Variants in NEDD9 observed in about 807,000 individuals in gnomAD.
NEDD9 encodes the protein neural precursor cell expressed, developmentally down-regulated 9.
NEDD9 carries 26 observed loss-of-function variants against 76.6 expected under a neutral mutation model. The observed-to-expected ratio is 0.34, with a 90% CI of 0.25 to 0.47. The LOEUF (loss-of-function observed/expected upper bound fraction) is 0.47, where lower values mean the gene tolerates loss of function less well. Among genes scored for constraint, NEDD9 ranks in the 20% least tolerant of loss-of-function variants. NEDD9 has a pLI of 1.00. For synonymous variants in NEDD9, 392 were observed against 414.2 expected, an observed-to-expected ratio of 0.95 and a Z score of 0.65; for missense variants, 937 against 1,058.5, an observed-to-expected ratio of 0.89 and a Z score of 1.59.
chr6:11,240,164 C>G (rs559863128), intron 3 of NEDD9, among the ~76,000 whole-genome samples: 34 of 152,088 alleles, frequency 2.2e-4, no homozygotes, highest in African/African-American at 8.0e-4. Context: ...CCTCCTAACT[C>G]ATTTCGCTCT....
chr6:11,276,222 CTTGA>C (rs753031845), intron 3 of NEDD9, among the ~76,000 whole-genome samples: 1 of 152,170 alleles, frequency 6.6e-6, no homozygotes, highest in African/African-American at 2.4e-5. Flanking sequence ...GAAAATGAGT[CTTGA>C]TTAAGAGAAA....
intron 3 of NEDD9, among the ~76,000 whole-genome samples, chr6:11,242,415 C>T (rs1472625271): frequency 1.3e-5 from 2 of 152,132 alleles, no homozygotes; most frequent in African/African-American, 4.8e-5. Flanking sequence ...CATGCTCTAA[C>T]CTGCTTTTGG....
chr6:11,341,437 C>T (rs1017345099), intron 1 of NEDD9, among the ~76,000 whole-genome samples: 2 of 152,106 alleles, frequency 1.3e-5, no homozygotes, highest in African/African-American at 2.4e-5. Flanking sequence ...TATGGGAAGC[C>T]CCTCCCTCAG....
chr6:11,243,388 T>C (rs540488736), intron 3 of NEDD9, among the ~76,000 whole-genome samples: 3 of 152,244 alleles, frequency 2.0e-5, no homozygotes, highest in African/African-American at 7.2e-5. Context: ...AAAATCACTC[T>C]TGTCTAATGG....
At chr6:11,351,185 G>A (rs190204469) in intron 1 of NEDD9, among the ~76,000 whole-genome samples, 78 of 152,232 alleles carry the variant, frequency 5.1e-4, no homozygotes, top group Admixed American at 3.5e-3. Flanking sequence ...AAGAGAGATG[G>A]GAAGAAGGAA....
At chr6:11,376,226 C>G (rs1002223639) in intron 1 of NEDD9, among the ~76,000 whole-genome samples, 16 of 152,134 alleles carry the variant, frequency 1.1e-4, no homozygotes, top group African/African-American at 3.9e-4. Context: ...AGAAGTGGAG[C>G]ATTGCTATAA....
intron 3 of NEDD9, among the ~76,000 whole-genome samples, chr6:11,258,145 A>G (rs1167217048): frequency 6.6e-6 from 1 of 152,132 alleles, no homozygotes; most frequent in Non-Finnish European, 1.5e-5. Context: ...AGAAACTCAA[A>G]TTTTATCACA....
Position 11,296,617 on chromosome 6 carries a change from CCTTT to C in NEDD9, c.12+9371_12+9374del, listed in dbSNP as rs201618605. On this transcript the variant is annotated intron_variant, in intron 3 of 3. Coordinates refer to the NEDD9 transcript ENST00000397378. ...AAAGAATGGCAAAATTTCCTTCCTT[CCTTT>C]CTTTCTTCCTTCCTTCCTTCCTTTC... Among the ~76,000 whole-genome samples the C allele has an allele frequency of 7.0e-3, 1,035 of 148,682 alleles. 12 individuals are homozygous for C. Among genetic ancestry groups the C allele is most frequent in the African/African-American group, 0.023 (940 of 40,650 alleles).
chr6:11,232,348 C>T (rs886177608), intron 1 of NEDD9, among the ~76,000 whole-genome samples, 156 bp downstream of exon 1: 4 of 146,104 alleles, frequency 2.7e-5, no homozygotes, highest in East Asian at 2.1e-4. Flanking sequence ...TCTCTGCTTG[C>T]TTGTCTGCTT....
At chr6:11,349,608 A>C (rs74839191) in intron 1 of NEDD9, among the ~76,000 whole-genome samples, 6,221 of 152,332 alleles carry the variant, frequency 0.041, 239 homozygotes, top group African/African-American at 0.11. Flanking sequence ...GAATGAGAGC[A>C]TGTTCTTTGC....
intron 3 of NEDD9, among the ~76,000 whole-genome samples, chr6:11,281,823 G>A (rs757452570): frequency 2.6e-5 from 4 of 151,914 alleles, no homozygotes; most frequent in Non-Finnish European, 4.4e-5. Flanking sequence ...ATGTGATCTC[G>A]GCTGACTGCA....
chr6:11,373,088 A>T (rs552946542), intron 1 of NEDD9, among the ~76,000 whole-genome samples: 1 of 152,278 alleles, frequency 6.6e-6, no homozygotes, highest in East Asian at 1.9e-4. Flanking sequence ...TGTCTTCCCA[A>T]ATCAATTCTT....
chr6:11,229,315 C>T (rs1759397632), intron 1 of NEDD9, among the ~76,000 whole-genome samples: 1 of 152,232 alleles, frequency 6.6e-6, no homozygotes, highest in South Asian at 2.1e-4. Flanking sequence ...TTTGGCAAAG[C>T]CACAAAAGCG....
upstream of NEDD9, chr6:11,233,311 A>C: frequency 1.9e-6 from 1 of 519,056 alleles, no homozygotes; most frequent in Non-Finnish European, 3.8e-6. Context: ...CCTCTAGCAC[A>C]CGCACCAGCG....
intron 1 of NEDD9, among the ~76,000 whole-genome samples, chr6:11,340,680 G>A (rs975981925): frequency 6.6e-6 from 1 of 152,172 alleles, no homozygotes; most frequent in Admixed American, 6.5e-5. Context: ...CTCAGCCATC[G>A]ACCTTGAATA....
At chr6:11,355,026 T>C (rs904578124) in intron 1 of NEDD9, among the ~76,000 whole-genome samples, 1 of 152,238 alleles carries the variant, frequency 6.6e-6, no homozygotes, top group African/African-American at 2.4e-5. Context: ...TCCATCCTTT[T>C]GTTTTCTTTT....
rs545116889 is a variant in NEDD9 at position 11,219,280 on chromosome 6, A to T, written c.13-5553T>A. ...TCAGAGAAACGATCTGCTTTTCCAA[A>T]TACGGAGAGGTGTGACTTGTAGTTT... On this transcript the variant is annotated intron_variant, in intron 1 of 6. Transcript: ENST00000379446. 2.4e-3 allele frequency among the ~76,000 whole-genome samples: 371 copies of T among 152,322 alleles called. 1 individual carries two copies. Among genetic ancestry groups the T allele is most frequent in the Admixed American group, 4.5e-3 (69 of 15,290 alleles).
chr6:11,248,269 G>A (rs971507595), intron 3 of NEDD9, among the ~76,000 whole-genome samples: 1 of 152,060 alleles, frequency 6.6e-6, no homozygotes, highest in African/African-American at 2.4e-5. Context: ...CCATGTAGAA[G>A]TCATGTGCCA....
chr6:11,231,392 G>A (rs915419269), intron 1 of NEDD9, among the ~76,000 whole-genome samples: 2 of 152,182 alleles, frequency 1.3e-5, no homozygotes, highest in South Asian at 4.1e-4. Context: ...ACTGAGGCTA[G>A]TCAGTGGCTA....
Sources: gnomAD v4.1 joint callset for allele counts (sites outside exome capture counted in the v4.1 genomes callset) on GRCh38, gnomAD v4.1.1 for gene constraint, MANE v1.5 for transcripts, NCBI Gene and HGNC (gene_info 2026-07-23, HGNC 2026-07-21) for gene names.